SASS6: variants seen among roughly 807,000 people sequenced by gnomAD.
The protein encoded by SASS6 is spindle assembly abnormal protein 6 homolog.
A neutral mutation model predicts 94.9 loss-of-function variants in SASS6; 59 were observed. That is an observed-to-expected ratio of 0.62 (90% CI 0.50 to 0.77). The LOEUF is 0.77. Ranked by LOEUF, SASS6 falls within the 30% of genes least tolerant of loss-of-function variation. SASS6 has a pLI of 0.00. For synonymous variants in SASS6, 264 were observed against 270.0 expected (o/e 0.98, Z 0.22); for missense variants, 698 against 734.1 (o/e 0.95, Z 0.57).
chr1:100,120,141 C>G (rs1181428520), intron 6 of SASS6, among the ~76,000 whole-genome samples: 1 of 152,100 alleles, frequency 6.6e-6, no homozygotes, highest in African/African-American at 2.4e-5. Context: ...ACATACATAT[C>G]TTATTTAATG....
In SASS6 at chr1:100,095,837, A is replaced by G. The variant is rs532083019; in HGVS notation, c.1674+7118T>C. On this transcript the variant is annotated intron_variant, in intron 14 of 16. Coordinates refer to ENST00000287482, the MANE Select transcript of SASS6 (RefSeq NM_194292.3). ...AGCATCTAAAAGAATAAAACACTTA[A>G]GAATAAATTCAACAGAAGAAATTCA... 1.1e-4 allele frequency among the ~76,000 whole-genome samples: 17 copies of G among 152,344 alleles called. 1 individual carries two copies. The South Asian group carries it at 3.5e-3, about 32-fold the overall frequency.
At chr1:100,088,835 TAA>T (rs72345602) in intron 14 of SASS6, among the ~76,000 whole-genome samples, 1,248 of 83,848 alleles carry the variant, frequency 0.015, 7 homozygotes, top group Non-Finnish European at 0.024. Flanking sequence ...ACCCTGTCTA[TAA>T]AAAAAAAAAA....
intron 5 of SASS6, 66 bp downstream of exon 5, chr1:100,121,312 T>TC (rs1253319297): frequency 2.2e-6 from 2 of 923,286 alleles, no homozygotes; most frequent in Admixed American, 5.6e-5. Context: ...ATGTATCTCT[T>TC]CAATAATTTA....
chr1:100,087,977 CTT>C (rs1053409136), intron 15 of SASS6, among the ~76,000 whole-genome samples, 160 bp downstream of exon 15: 5 of 152,108 alleles, frequency 3.3e-5, no homozygotes, highest in African/African-American at 1.2e-4. Flanking sequence ...TGAGAAATCT[CTT>C]TTTTATAGCT....
At chr1:100,125,625 C>T (rs1259168653) in intron 2 of SASS6, among the ~76,000 whole-genome samples, 3 of 139,750 alleles carry the variant, frequency 2.1e-5, no homozygotes, top group Non-Finnish European at 4.5e-5. Context: ...GAGCCGAGAT[C>T]GTGCCACTGC....
intron 1 of SASS6, among the ~76,000 whole-genome samples, chr1:100,127,319 C>T (rs1009116786): frequency 1.3e-5 from 2 of 152,170 alleles, no homozygotes; most frequent in Non-Finnish European, 2.9e-5. Context: ...CACACTATTG[C>T]TTATCTACTA....
At chr1:100,100,066 G>T (rs982144388) in intron 14 of SASS6, among the ~76,000 whole-genome samples, 2 of 152,136 alleles carry the variant, frequency 1.3e-5, no homozygotes, top group African/African-American at 4.8e-5. Flanking sequence ...AGGAGTTAGA[G>T]ATCAGCCTGA....
At chr1:100,107,601 C>G in intron 10 of SASS6, 27 bp downstream of exon 10, 2 of 1,548,684 alleles carry the variant, frequency 1.3e-6, no homozygotes, top group South Asian at 1.2e-5. Flanking sequence ...TAATGAAATA[C>G]TAGTCTATAA....
rs370540842 is a variant in SASS6, at chr1:100,103,079, T to A, written c.1550A>T (p.Asp517Val). The change falls in exon 14 of 17, where the codon GAT (aspartate) becomes GTT (valine). Residue 517 changes from aspartate to valine, a missense_variant. By Grantham distance (152) the Asp-to-Val change is radical. Coordinates refer to ENST00000287482, the MANE Select transcript of SASS6 (RefSeq NM_194292.3). ...SGISPNLNVVDGRLTYPTCGI... is the reference protein window; with the variant it reads ...SGISPNLNVVVGRLTYPTCGI... ...ACAGGTTGGGTAAGTCAGTCTACCA[T>A]CAACCTAAAAATAAAAACATAAAGA... 3.2e-6 allele frequency: 5 copies of A among 1,582,830 alleles called. No individual in the cohort carries two copies. The Admixed American group carries it at 7.1e-5, about 23-fold the overall frequency.
chr1:100,093,174 CTTTTTTTTTTT>C (rs909537970), intron 14 of SASS6, among the ~76,000 whole-genome samples: 2 of 87,422 alleles, frequency 2.3e-5, no homozygotes, highest in Admixed American at 1.5e-4. Flanking sequence ...CTATTGTTTT[CTTTTTTTTTTT>C]TTTTTTTTTT....
rs368334669 is a variant in SASS6 at position 100,132,036 on chromosome 1, T to TCAA, written c.65+713_65+714insTTG. Among the ~76,000 whole-genome samples the TCAA allele has an allele frequency of 1.9e-3, 296 of 152,296 alleles. 2 individuals are homozygous for TCAA. The highest frequency in any genetic ancestry group is 6.4e-3 in the African/African-American group (266 of 41,560). On this transcript the variant is annotated intron_variant, in intron 1 of 16. Transcript: ENST00000287482. ...GTCAAATCTATTTACGCCCCAATAA[T>TCAA]ACCACCTCCTTAATCAAAGTTGCAC...
chr1:100,098,686 A>G (rs1363640759), intron 14 of SASS6, among the ~76,000 whole-genome samples: 1 of 152,072 alleles, frequency 6.6e-6, no homozygotes. Context: ...AAACCTACTC[A>G]TCCATAAATA....
chr1:100,110,386 T>C lies in SASS6; in HGVS notation c.767A>G (p.Glu256Gly). The C allele has an allele frequency of 6.2e-7, 1 of 1,608,808 alleles. No homozygotes were observed. The highest frequency in any genetic ancestry group is 1.7e-5 in the Admixed American group (1 of 59,796). Residue 256 changes from glutamate (E) to glycine (G), a missense_variant, in exon 8 of 17, where the codon GAG becomes GGG. Physicochemically the swap from Glu to Gly is moderately conservative, Grantham distance 98. Transcript: ENST00000287482. ...NIHQLQNRLSELEAANKDLTE... is the reference protein window; with the variant it reads ...NIHQLQNRLSGLEAANKDLTE... The stretch of plus-strand genomic sequence containing the variant: ...TAAGTCTTTATTAGCCGCTTCTAAC[T>C]CAGACAGTCTGTTTTGTAGCTGGTG...
intron 2 of SASS6, among the ~76,000 whole-genome samples, chr1:100,125,045 C>T (rs1654499720): frequency 6.6e-6 from 1 of 152,116 alleles, no homozygotes; most frequent in African/African-American, 2.4e-5. Context: ...GGGACCCCTC[C>T]TCTATTCTAT....
chr1:100,110,410 T>A lies in SASS6; in HGVS notation c.743A>T (p.His248Leu). 1.2e-6 allele frequency: 2 copies of A among 1,611,374 alleles called. No homozygotes were observed. Among genetic ancestry groups the A allele is most frequent in the Non-Finnish European group, 1.7e-6 (2 of 1,177,892 alleles). The change falls in exon 8 of 17, where the codon CAC (histidine) becomes CTC (leucine). Residue 248 changes from histidine (H) to leucine (L), a missense_variant. Physicochemically the swap from His to Leu is moderately conservative, Grantham distance 99 (BLOSUM62 -3). Coordinates refer to ENST00000287482, the MANE Select transcript of SASS6 (RefSeq NM_194292.3). ...CTCAGACAGTCTGTTTTGTAGCTGG[T>A]GGATGTTTTGTTGATGGAGGATTTC... ...DLEILHQQNIHQLQNRLSELE... is the reference protein window; with the variant it reads ...DLEILHQQNILQLQNRLSELE...
chr1:100,110,956 G>C (rs1224534415), intron 7 of SASS6, among the ~76,000 whole-genome samples: 1 of 151,876 alleles, frequency 6.6e-6, no homozygotes, highest in African/African-American at 2.4e-5. Context: ...TGTAAAACGA[G>C]CAAGGTTGGT....
intron 1 of SASS6, among the ~76,000 whole-genome samples, chr1:100,131,348 C>G (rs1017037565): frequency 1.8e-4 from 27 of 152,118 alleles, no homozygotes; most frequent in Middle Eastern, 6.8e-3. Flanking sequence ...AGCCACCATA[C>G]CTAGCCTACT....
intron 8 of SASS6, among the ~76,000 whole-genome samples, chr1:100,109,095 A>T (rs902425169): frequency 2.0e-5 from 3 of 152,094 alleles, no homozygotes; most frequent in South Asian, 4.1e-4. Flanking sequence ...TATAATGACC[A>T]GTTCCAGGGC....
In SASS6 at chr1:100,102,976, G is replaced by C; in HGVS notation, c.1653C>G (p.Ser551Arg). 3 of 1,612,220 alleles carry C rather than the reference G, an allele frequency of 1.9e-6. No individual in the cohort carries two copies. In the South Asian group the frequency reaches 3.3e-5, roughly 18 times the overall value. The change falls in exon 14 of 17, where the codon AGC becomes AGG. Residue 551 changes from serine to arginine, a missense_variant. Transcript: ENST00000287482. ...FPHSISAKNT[S>R]HPGSGTKVQF... ...CTACCTTTGTTCCTGAACCAGGGTG[G>C]CTGGTATTTTTGGCAGATATCGAAT...
Sources: allele counts gnomAD v4.1 joint callset (sites outside exome capture counted in the v4.1 genomes callset), GRCh38; gene constraint gnomAD v4.1.1; transcripts MANE v1.5; gene names NCBI Gene and HGNC (gene_info 2026-07-23, HGNC 2026-07-21).